The following KAZN variants were observed in gnomAD, a reference collection of about 807,000 sequenced individuals.
KAZN encodes the protein kazrin.
Under a neutral mutation model 87.4 loss-of-function variants are expected in KAZN, and 40 were observed. The observed-to-expected ratio is 0.46, with a 90% CI of 0.36 to 0.60. The LOEUF (loss-of-function observed/expected upper bound fraction) is 0.60, where lower values mean the gene tolerates loss of function less well. Ranked by LOEUF, KAZN falls within the 20% of genes least tolerant of loss-of-function variation. The pLI, the probability that KAZN is intolerant of heterozygous loss-of-function variation, is 0.00. For synonymous variants in KAZN, 466 were observed against 458.3 expected (o/e 1.02, Z -0.22); for missense variants, 898 against 1,073.9 (o/e 0.84, Z 2.29).
chr1:14,403,501 AG>A lies in KAZN; in HGVS notation c.250-195480del, dbSNP rs372110965. On this transcript the variant is annotated intron_variant, in intron 2 of 16. Transcript: ENST00000636203. The stretch of plus-strand genomic sequence containing the variant: ...GAAAGACAAACCACAGACTCGAAGT[AG>A]GTATTTGCAACATATAACTGAATTA... 6.0e-3 allele frequency among the ~76,000 whole-genome samples: 913 copies of A among 152,336 alleles called. 5 individuals carry two copies. Among genetic ancestry groups the A allele is most frequent in the African/African-American group, 0.02 (849 of 41,584 alleles).
At chr1:14,860,684 C>T (rs917234934) in intron 1 of KAZN, among the ~76,000 whole-genome samples, 5 of 152,184 alleles carry the variant, frequency 3.3e-5, no homozygotes, top group African/African-American at 4.8e-5. Flanking sequence ...ATTTTAGACA[C>T]AGCACATACA....
intron 2 of KAZN, among the ~76,000 whole-genome samples, chr1:14,972,270 C>T (rs2137639): frequency 0.35 from 53,469 of 152,056 alleles, 10,275 homozygotes; most frequent in African/African-American, 0.51. Context: ...GGCAAGAAAA[C>T]GAAAGCCACG....
At chr1:14,715,050 C>T (rs1642718545) in intron 1 of KAZN, among the ~76,000 whole-genome samples, 2 of 151,920 alleles carry the variant, frequency 1.3e-5, no homozygotes, top group Admixed American at 1.3e-4. Flanking sequence ...CCCACCTCGG[C>T]CTCCCAGAGT....
chr1:14,090,447 G>T (rs1643950147), intron 1 of KAZN, among the ~76,000 whole-genome samples: 1 of 151,582 alleles, frequency 6.6e-6, no homozygotes, highest in Non-Finnish European at 1.5e-5. Context: ...TTCCAGCTTG[G>T]ATATTGTATT....
At chr1:14,206,997 C>G (rs1646760786) in intron 2 of KAZN, among the ~76,000 whole-genome samples, 1 of 142,468 alleles carries the variant, frequency 7.0e-6, no homozygotes, top group African/African-American at 2.6e-5. Flanking sequence ...GAGTTTCACT[C>G]TTGTTGCCCA....
chr1:14,192,988 G>A (rs1210023858), intron 2 of KAZN, among the ~76,000 whole-genome samples: 1 of 152,142 alleles, frequency 6.6e-6, no homozygotes, highest in African/African-American at 2.4e-5. Context: ...CATAATCCCT[G>A]TGTGTCAAAA....
chr1:13,929,299 G>A (rs1392880450), intron 1 of KAZN, among the ~76,000 whole-genome samples: 2 of 152,242 alleles, frequency 1.3e-5, no homozygotes, highest in East Asian at 1.9e-4. Context: ...TGTCTTGAAC[G>A]TGTCTTGATT....
At chr1:14,682,702 A>G (rs1318207087) in intron 1 of KAZN, among the ~76,000 whole-genome samples, 1 of 152,206 alleles carries the variant, frequency 6.6e-6, no homozygotes, top group Non-Finnish European at 1.5e-5. Context: ...CAGAGTTTTT[A>G]AAGGAACGTG....
intron 2 of KAZN, among the ~76,000 whole-genome samples, chr1:14,413,593 GAAAAAAAAAAAAAAA>G (rs1169921344): frequency 3.0e-5 from 2 of 66,096 alleles, no homozygotes; most frequent in East Asian, 5.0e-4. Context: ...CGTCTCAAAA[GAAAAAAAAAAAAAAA>G]AAAAAAAAAA....
chr1:14,570,724 C>T (rs1251677159), intron 2 of KAZN, among the ~76,000 whole-genome samples: 2 of 152,148 alleles, frequency 1.3e-5, no homozygotes, highest in Non-Finnish European at 1.5e-5. Context: ...GACGTATGTT[C>T]TCATTTCTCT....
intron 2 of KAZN, among the ~76,000 whole-genome samples, chr1:14,547,328 T>A (rs1673218624): frequency 1.3e-5 from 2 of 152,222 alleles, no homozygotes; most frequent in South Asian, 4.1e-4. Flanking sequence ...CAGAGTTTTT[T>A]ACTTTATGAA....
intron 2 of KAZN, among the ~76,000 whole-genome samples, chr1:14,321,199 G>A (rs1049569308): frequency 6.6e-6 from 1 of 152,116 alleles, no homozygotes. Flanking sequence ...GTTTGTCAAG[G>A]TGAAGAAGAT....
At chr1:13,950,494 G>A (rs902920382) in intron 1 of KAZN, among the ~76,000 whole-genome samples, 1 of 152,184 alleles carries the variant, frequency 6.6e-6, no homozygotes, top group Admixed American at 6.5e-5. Flanking sequence ...AATATTTTTT[G>A]AATGAGTTGT....
chr1:14,740,091 T>C (rs1387900612), intron 1 of KAZN, among the ~76,000 whole-genome samples: 1 of 152,106 alleles, frequency 6.6e-6, no homozygotes, highest in Non-Finnish European at 1.5e-5. Context: ...GCGGGGTTTT[T>C]GTGGATCAGA....
intron 1 of KAZN, among the ~76,000 whole-genome samples, chr1:14,050,420 G>A (rs942118397): frequency 4.6e-5 from 7 of 152,202 alleles, no homozygotes; most frequent in African/African-American, 1.7e-4. Context: ...TTGACTCACA[G>A]TTCCGCATGG....
chr1:14,414,749 G>A (rs1017145652), intron 2 of KAZN, among the ~76,000 whole-genome samples: 48 of 152,092 alleles, frequency 3.2e-4, no homozygotes, highest in African/African-American at 1.2e-3. Context: ...CAGAGGCCAG[G>A]AGCAGTGGCT....
chr1:14,811,960 A>G (rs1288907287), intron 1 of KAZN, among the ~76,000 whole-genome samples: 3 of 152,208 alleles, frequency 2.0e-5, no homozygotes, highest in Non-Finnish European at 1.5e-5. Flanking sequence ...TACCCCAAGG[A>G]TGGTCCTGAA....
At chr1:13,910,177 G>A (rs1464887587) in intron 1 of KAZN, among the ~76,000 whole-genome samples, 2 of 151,984 alleles carry the variant, frequency 1.3e-5, no homozygotes, top group African/African-American at 2.4e-5. Context: ...ATGCTGCTGC[G>A]GCGATAGTGA....
intron 2 of KAZN, among the ~76,000 whole-genome samples, chr1:14,223,793 C>T (rs781276513): frequency 3.3e-4 from 50 of 152,314 alleles, no homozygotes; most frequent in Admixed American, 2.0e-3. Flanking sequence ...GAAACCTCAT[C>T]TATCTGGCTT....
Sources: gnomAD v4.1 joint callset for allele counts (sites outside exome capture counted in the v4.1 genomes callset) on GRCh38, gnomAD v4.1.1 for gene constraint, MANE v1.5 for transcripts, NCBI Gene and HGNC (gene_info 2026-07-23, HGNC 2026-07-21) for gene names.